The following FOXN3 variants were observed in gnomAD, a reference collection of about 807,000 sequenced individuals.
FOXN3 encodes forkhead box N3.
Under a neutral mutation model 38.4 loss-of-function variants are expected in FOXN3, and 7 were observed. That is an observed-to-expected ratio of 0.18 (90% CI 0.10 to 0.34). FOXN3 has a LOEUF of 0.34. Among genes scored for constraint, FOXN3 ranks in the 10% least tolerant of loss-of-function variants. The pLI is 1.00. For synonymous variants in FOXN3, 230 were observed against 242.2 expected (o/e 0.95, Z 0.47); for missense variants, 456 against 613.4 (o/e 0.74, Z 2.71).
At chr14:89,187,671 A>G (rs1039208085) in intron 4 of FOXN3, among the ~76,000 whole-genome samples, 7 of 152,234 alleles carry the variant, frequency 4.6e-5, no homozygotes, top group African/African-American at 1.7e-4. Context: ...AAATGAAAAG[A>G]AAGGTGGCGG....
intron 4 of FOXN3, chr14:89,190,469 A>G: frequency 1.9e-6 from 3 of 1,608,810 alleles, no homozygotes; most frequent in Non-Finnish European, 2.6e-6. Flanking sequence ...TCAACCAATA[A>G]ATAACATTAT....
In FOXN3 at chr14:89,323,301, AAAAGAAAG is replaced by A. The variant is rs1555417897; in HGVS notation, c.680+27363_680+27370del. ...AGACTCCATCTCAAAAAAAAAAAAA[AAAAGAAAG>A]AAAGAAAGAAAGAAAGAATGACAGT... On this transcript the variant is annotated intron_variant, in intron 3 of 5. Transcript: ENST00000557258. 3.3e-4 allele frequency among the ~76,000 whole-genome samples: 47 copies of A among 142,978 alleles called. No homozygotes were observed. In the East Asian group the frequency reaches 4.6e-3, roughly 14 times the overall value. 93.8% of individuals were successfully genotyped at this position (142,978 alleles called of 152,430 possible).
chr14:89,568,120 T>A (rs1895403311), intron 1 of FOXN3, among the ~76,000 whole-genome samples: 1 of 152,020 alleles, frequency 6.6e-6, no homozygotes, highest in African/African-American at 2.4e-5. Context: ...TCTCCCATCT[T>A]AGTAATTGTC....
intron 3 of FOXN3, among the ~76,000 whole-genome samples, chr14:89,333,996 A>C (rs865876499): frequency 1.6e-5 from 1 of 64,330 alleles, no homozygotes; most frequent in African/African-American, 5.1e-5. Context: ...ATATATATAT[A>C]TATATATATA....
At chr14:89,555,998 T>C (rs918772206) in intron 1 of FOXN3, among the ~76,000 whole-genome samples, 5 of 152,144 alleles carry the variant, frequency 3.3e-5, no homozygotes, top group Non-Finnish European at 7.4e-5. Context: ...TCTCTAATGA[T>C]GAATTTTTAC....
At chr14:89,413,337 G>C (rs61999664) in intron 1 of FOXN3, among the ~76,000 whole-genome samples, 9,252 of 152,058 alleles carry the variant, frequency 0.061, 603 homozygotes, top group African/African-American at 0.16. Flanking sequence ...CATCTACCTA[G>C]AAAACAAATG....
chr14:89,557,609 T>C (rs1347666955), intron 1 of FOXN3, among the ~76,000 whole-genome samples: 4 of 152,094 alleles, frequency 2.6e-5, no homozygotes, highest in Admixed American at 2.6e-4. Context: ...CAGAATTGCT[T>C]GCTGGGGTGT....
At chr14:89,538,130 A>T (rs1348716740) in intron 1 of FOXN3, among the ~76,000 whole-genome samples, 55 of 152,318 alleles carry the variant, frequency 3.6e-4, no homozygotes, top group Non-Finnish European at 1.9e-4. Flanking sequence ...TCACCCAAAG[A>T]GGGGGTTAAT....
Position 89,156,705 on chromosome 14 carries a change from C to T in FOXN3, c.*5709G>A, listed in dbSNP as rs925618823. 6.6e-6 allele frequency: 1 copy of T among 151,008 alleles called. No homozygotes were observed. The highest frequency in any genetic ancestry group is 1.5e-5 in the Non-Finnish European group (1 of 67,860). 9.4% of individuals were successfully genotyped at this position (151,008 alleles called of 1,614,324 possible). A position where few individuals can be genotyped will look rare whatever the true frequency, so the allele number is the denominator to read the frequency against. On this transcript the variant is annotated 3_prime_UTR_variant, in exon 6 of 6. Coordinates refer to ENST00000557258, the MANE Select transcript of FOXN3 (RefSeq NM_005197.4). ...CAGAATCAGAGTATTAAAAAATGTA[C>T]AAGTGTATATGCTTCCCAGACACAC...
intron 2 of FOXN3, among the ~76,000 whole-genome samples, chr14:89,381,185 C>A (rs905020119): frequency 1.4e-5 from 2 of 145,002 alleles, no homozygotes; most frequent in Non-Finnish European, 3.0e-5. Context: ...AAATCAAACT[C>A]AGCAAACACA....
At chr14:89,218,338 A>T (rs901643921) in intron 4 of FOXN3, among the ~76,000 whole-genome samples, 46 of 152,218 alleles carry the variant, frequency 3.0e-4, no homozygotes, top group Non-Finnish European at 5.9e-4. Flanking sequence ...ATACAAGACT[A>T]CAACTGCTTA....
chr14:89,285,133 C>T (rs1886583789), intron 3 of FOXN3, among the ~76,000 whole-genome samples: 1 of 152,190 alleles, frequency 6.6e-6, no homozygotes, highest in Non-Finnish European at 1.5e-5. Flanking sequence ...CTGTATTCAC[C>T]AGCTGAACTT....
intron 2 of FOXN3, among the ~76,000 whole-genome samples, chr14:89,382,892 GTGCCCTCC>G (rs896183676): frequency 6.6e-6 from 1 of 152,174 alleles, no homozygotes; most frequent in Non-Finnish European, 1.5e-5. Context: ...GCTGGAGGAA[GTGCCCTCC>G]TGGGTCCAAG....
intron 4 of FOXN3, among the ~76,000 whole-genome samples, chr14:89,212,273 G>A (rs1359515689): frequency 6.6e-6 from 1 of 152,208 alleles, no homozygotes; most frequent in African/African-American, 2.4e-5. Flanking sequence ...CACAAGGATC[G>A]TGTGTTGGGG....
At chr14:89,253,898 G>A (rs1038047883) in intron 4 of FOXN3, among the ~76,000 whole-genome samples, 4 of 152,112 alleles carry the variant, frequency 2.6e-5, no homozygotes, top group Non-Finnish European at 5.9e-5. Flanking sequence ...TTTCCTCATC[G>A]GCACATGGTA....
chr14:89,359,208 A>C (rs1017732643), intron 2 of FOXN3, among the ~76,000 whole-genome samples: 1 of 152,054 alleles, frequency 6.6e-6, no homozygotes, highest in African/African-American at 2.4e-5. Flanking sequence ...AGGCAGGAGA[A>C]TCGCTTGAAC....
intron 4 of FOXN3, among the ~76,000 whole-genome samples, chr14:89,191,999 C>A (rs1887961485): frequency 7.3e-6 from 1 of 136,980 alleles, no homozygotes; most frequent in Admixed American, 7.2e-5. Context: ...TATATATTAG[C>A]TAATATAATT....
intron 1 of FOXN3, among the ~76,000 whole-genome samples, chr14:89,501,266 CT>C: frequency 6.6e-6 from 1 of 152,224 alleles, no homozygotes; most frequent in African/African-American, 2.4e-5. Context: ...TTAGTGGGAA[CT>C]TTTTGTGTGT....
intron 2 of FOXN3, among the ~76,000 whole-genome samples, chr14:89,378,599 TTAAC>T (rs1290148155): frequency 6.6e-6 from 1 of 152,200 alleles, no homozygotes; most frequent in Non-Finnish European, 1.5e-5. Flanking sequence ...AAATATTTCT[TTAAC>T]TGTGTGCATT....
Sources: gnomAD v4.1 joint callset for allele counts (sites outside exome capture counted in the v4.1 genomes callset) on GRCh38, gnomAD v4.1.1 for gene constraint, MANE v1.5 for transcripts, NCBI Gene and HGNC (gene_info 2026-07-23, HGNC 2026-07-21) for gene names.